SPICE1: variants seen among roughly 807,000 people sequenced by gnomAD.
The protein encoded by SPICE1 is spindle and centriole associated protein 1, also known as spindle and centriole-associated protein 1.
SPICE1 carries 75 observed loss-of-function variants against 102.7 expected under a neutral mutation model. The observed-to-expected ratio is 0.73, with a 90% CI of 0.61 to 0.88. The LOEUF is 0.88. Among genes scored for constraint, SPICE1 ranks in the 40% least tolerant of loss-of-function variants. SPICE1 has a pLI of 0.00. For synonymous variants in SPICE1, 308 were observed against 350.3 expected (o/e 0.88, Z 1.35); for missense variants, 979 against 1,020.1 (o/e 0.96, Z 0.55).
intron 7 of SPICE1, among the ~76,000 whole-genome samples, chr3:113,485,084 T>G (rs1312431826): frequency 6.6e-6 from 1 of 151,772 alleles, no homozygotes; most frequent in Non-Finnish European, 1.5e-5. Flanking sequence ...AGAGACTCCC[T>G]CCAGTGCCTA....
chr3:113,470,122 T>C (rs1207887334), intron 7 of SPICE1, among the ~76,000 whole-genome samples: 1 of 152,246 alleles, frequency 6.6e-6, no homozygotes, highest in African/African-American at 2.4e-5. Flanking sequence ...GTCTCATTTG[T>C]CTATTTCTCA....
At position 113,460,619 on chromosome 3, in the gene SPICE1, G is replaced by A; in HGVS notation, c.1433C>T (p.Pro478Leu). 1 of 1,609,636 alleles carries A rather than the reference G, an allele frequency of 6.2e-7. No homozygotes were observed. Among genetic ancestry groups the A allele is most frequent in the Non-Finnish European group, 8.5e-7 (1 of 1,177,902 alleles). Residue 478 changes from proline to leucine, a missense_variant and splice_region_variant, in exon 12 of 18, where the codon CCA (proline) becomes CTA (leucine). Pro to Leu is a moderately conservative substitution (Grantham distance 98). Coordinates refer to ENST00000295872, the MANE Select transcript of SPICE1 (RefSeq NM_144718.4). ...GATGRRVMDS[P>L]ERPVVNANVS... ...TGAGAGAGTAAGACCACACTCACCT[G>A]GACTGTCCATAACTCTTCTACCTGT...
chr3:113,453,993 C>T (rs2107447230), intron 13 of SPICE1, 43 bp from the exon 14 acceptor site: 2 of 1,487,464 alleles, frequency 1.3e-6, no homozygotes, highest in South Asian at 2.7e-5. Context: ...TATTATTTTC[C>T]CATAGATTGG....
chr3:113,513,930 AG>A (rs1273568163), intron 1 of SPICE1, among the ~76,000 whole-genome samples: 2 of 152,244 alleles, frequency 1.3e-5, no homozygotes, highest in Non-Finnish European at 2.9e-5. Flanking sequence ...CAATTAAACA[AG>A]TATTTACAAC....
At chr3:113,468,573 T>C (rs1033146312) in intron 9 of SPICE1, among the ~76,000 whole-genome samples, 169 bp from the exon 10 acceptor site, 6 of 152,246 alleles carry the variant, frequency 3.9e-5, no homozygotes, top group African/African-American at 1.4e-4. Flanking sequence ...ACACTAGCTA[T>C]AATGAATGCA....
intron 1 of SPICE1, among the ~76,000 whole-genome samples, chr3:113,510,028 G>A (rs541012779): frequency 4.9e-4 from 74 of 152,206 alleles, no homozygotes; most frequent in African/African-American, 1.5e-3. Context: ...ACCCAGTCTC[G>A]AGTATTTCTT....
chr3:113,476,306 C>T (rs1936345117), intron 7 of SPICE1, among the ~76,000 whole-genome samples: 1 of 151,312 alleles, frequency 6.6e-6, no homozygotes, highest in African/African-American at 2.5e-5. Context: ...AATGGAAGAA[C>T]ATTCCATGCT....
chr3:113,481,315 A>G (rs1029142342), intron 7 of SPICE1, among the ~76,000 whole-genome samples: 13 of 152,314 alleles, frequency 8.5e-5, no homozygotes, highest in Middle Eastern at 3.4e-3. Context: ...AAAAGCCCCA[A>G]AACACTTAGG....
At chr3:113,470,800 T>A (rs927328653) in intron 7 of SPICE1, among the ~76,000 whole-genome samples, 3 of 152,230 alleles carry the variant, frequency 2.0e-5, no homozygotes, top group African/African-American at 4.8e-5. Flanking sequence ...GTCCTAATAG[T>A]ATTTGCTCTA....
At chr3:113,498,264 A>C (rs1936939070) in intron 4 of SPICE1, among the ~76,000 whole-genome samples, 1 of 152,152 alleles carries the variant, frequency 6.6e-6, no homozygotes, top group Admixed American at 6.5e-5. Context: ...TGCCTGAGGC[A>C]GCAGATCTAC....
intron 1 of SPICE1, among the ~76,000 whole-genome samples, chr3:113,511,892 G>A (rs1212860074): frequency 1.3e-5 from 2 of 152,180 alleles, no homozygotes; most frequent in African/African-American, 4.8e-5. Flanking sequence ...TGACACTCAA[G>A]ACCAGGTCTG....
chr3:113,497,700 A>AG (rs1936924374), intron 4 of SPICE1, among the ~76,000 whole-genome samples: 2 of 123,706 alleles, frequency 1.6e-5, no homozygotes, highest in South Asian at 2.8e-4. Flanking sequence ...GAGAGAGAGA[A>AG]AGAGAGCTTT....
At chr3:113,453,152 G>A (rs1935696212) in intron 14 of SPICE1, among the ~76,000 whole-genome samples, 1 of 152,132 alleles carries the variant, frequency 6.6e-6, no homozygotes, top group Non-Finnish European at 1.5e-5. Context: ...TGGCTGTGTG[G>A]CAAACATTCA....
In SPICE1 at chr3:113,468,239, G is replaced by C; in HGVS notation, c.1055C>G (p.Thr352Arg). 6.2e-7 allele frequency: 1 copy of C among 1,614,068 alleles called. No individual in the cohort carries two copies. Among genetic ancestry groups the C allele is most frequent in the Non-Finnish European group, 8.5e-7 (1 of 1,180,030 alleles). The stretch of plus-strand genomic sequence containing the variant: ...CTGCAGACCCTTGACCTCGCGACCT[G>C]TCCACCGCTCATATTCTTCCATTTC... ...EHEMEEYERWTGREVKGLQSS... is the reference protein window; with the variant it reads ...EHEMEEYERWRGREVKGLQSS... The change falls in exon 10 of 18, where the codon ACA (threonine) becomes AGA (arginine). Residue 352 changes from threonine to arginine, a missense_variant. Thr to Arg is a moderately conservative substitution (Grantham distance 71). Transcript: ENST00000295872.
At chr3:113,479,860 CA>C (rs1044558952) in intron 7 of SPICE1, among the ~76,000 whole-genome samples, 4 of 151,252 alleles carry the variant, frequency 2.6e-5, no homozygotes, top group Non-Finnish European at 5.9e-5. Context: ...AAAAAGTAAA[CA>C]AAAAAATGCA....
rs149426799 is a variant in SPICE1 at position 113,448,082 on chromosome 3, T to C, written c.2382A>G (p.Ser794=). ...SIPGAEAPES[S]KCSTVSPVSG... is the part of the protein sequence containing the mutation. ...TGACGGGAGAGACAGTACTACATTT[T>C]GAGCTTTCTGGGGCTTCTGCTCCTG... The change falls in exon 16 of 18, where the codon TCA becomes TCG. Residue 794 remains serine, a synonymous_variant. Coordinates refer to ENST00000295872, the MANE Select transcript of SPICE1 (RefSeq NM_144718.4). 5.0e-6 allele frequency: 8 copies of C among 1,609,722 alleles called. No homozygotes were observed. The African/African-American group carries it at 1.1e-4, about 22-fold the overall frequency.
At chr3:113,463,581 C>T (rs1935983571) in intron 11 of SPICE1, among the ~76,000 whole-genome samples, 1 of 152,112 alleles carries the variant, frequency 6.6e-6, no homozygotes, top group Non-Finnish European at 1.5e-5. Context: ...TATTATTGGG[C>T]AATACAAAGG....
intron 3 of SPICE1, among the ~76,000 whole-genome samples, chr3:113,502,399 G>A (rs551266464): frequency 2.6e-5 from 4 of 152,084 alleles, no homozygotes; most frequent in Admixed American, 6.6e-5. Flanking sequence ...AAAAGGCCAC[G>A]TGTTGTATTC....
Position 113,468,151 on chromosome 3 carries a change from C to T in SPICE1, c.1143G>A (p.Arg381=). 1 of 1,614,174 alleles carries T rather than the reference C, an allele frequency of 6.2e-7. No homozygotes were observed. Among genetic ancestry groups the T allele is most frequent in the Non-Finnish European group, 8.5e-7 (1 of 1,180,034 alleles). Residue 381 remains arginine (R), a synonymous_variant, in exon 10 of 18, where the codon CGG becomes CGA. Transcript: ENST00000295872. The stretch of plus-strand genomic sequence containing the variant: ...CTAATGTCCTTACCTCTTTAAGGTA[C>T]CGAACCAGGCGACAGAGGGAGCTCA... ...SLVSSLCRLV[R]YLKESEIQLR... is the part of the protein sequence containing the mutation.
Sources: gnomAD v4.1 joint callset for allele counts (sites outside exome capture counted in the v4.1 genomes callset) on GRCh38, gnomAD v4.1.1 for gene constraint, MANE v1.5 for transcripts, NCBI Gene and HGNC (gene_info 2026-07-23, HGNC 2026-07-21) for gene names.